Variants in TMCO6 observed in about 807,000 individuals in gnomAD.
TMCO6 encodes the protein transmembrane and coiled-coil domain-containing protein 6.
A neutral mutation model predicts 61.8 loss-of-function variants in TMCO6; 47 were observed. That is an observed-to-expected ratio of 0.76 (90% CI 0.60 to 0.97). TMCO6 has a LOEUF of 0.97. Among genes scored for constraint, TMCO6 ranks in the 50% least tolerant of loss-of-function variants. TMCO6 has a pLI of 0.00. For synonymous variants in TMCO6, 261 were observed against 254.2 expected, an observed-to-expected ratio of 1.03 and a Z score of -0.25; for missense variants, 557 against 601.6, an observed-to-expected ratio of 0.93 and a Z score of 0.78.
chr5:140,618,609 G>C, the TMCO6 span, among the ~76,000 whole-genome samples: 1 of 151,976 alleles, frequency 6.6e-6, no homozygotes, highest in Admixed American at 6.6e-5. Flanking sequence ...ATTAAGCCCA[G>C]TACCCAATAG....
At chr5:140,632,392 T>G in the TMCO6 span, 1 of 1,614,114 alleles carries the variant, frequency 6.2e-7, no homozygotes, top group Non-Finnish European at 8.5e-7. The surrounding 1 kb of genome is among the most constrained non-coding windows in gnomAD (Gnocchi z 6.2). Flanking sequence ...AGGTCTAGGC[T>G]GGTAAGGGCC....
downstream of TMCO6, chr5:140,647,381 C>G: frequency 6.2e-7 from 1 of 1,611,058 alleles, no homozygotes; most frequent in Non-Finnish European, 8.5e-7. Flanking sequence ...CCGGAGAGAG[C>G]GCCGCGCGTG....
At chr5:140,604,452 TC>T in the TMCO6 span, among the ~76,000 whole-genome samples, 1 of 151,704 alleles carries the variant, frequency 6.6e-6, no homozygotes, top group African/African-American at 2.4e-5. Flanking sequence ...TTGTAAAAGT[TC>T]TTTATATATA....
chr5:140,618,489 T>A, the TMCO6 span, among the ~76,000 whole-genome samples: 4 of 151,844 alleles, frequency 2.6e-5, no homozygotes, highest in Non-Finnish European at 5.9e-5. Flanking sequence ...TTTTACTTTT[T>A]CTTTTTTTTT....
At chr5:140,605,367 G>T in the TMCO6 span, among the ~76,000 whole-genome samples, 1 of 152,150 alleles carries the variant, frequency 6.6e-6, no homozygotes, top group South Asian at 2.1e-4. Context: ...TGGTACGGTA[G>T]TAAATATAAG....
chr5:140,643,272 C>T, intron 7 of TMCO6: 2 of 630,612 alleles, frequency 3.2e-6, no homozygotes, highest in East Asian at 3.0e-5. Context: ...TCTCAGCTCA[C>T]TGCAACCTCT....
At chr5:140,632,694 C>T in the TMCO6 span, 6 of 1,613,800 alleles carry the variant, frequency 3.7e-6, no homozygotes, top group Admixed American at 6.7e-5. This position sits in a 1 kb window ranked among gnomAD's most constrained non-coding sequence, Gnocchi z 6.2. Context: ...CTGTGCGGCT[C>T]CCACTGTGAG....
chr5:140,604,876 C>A, the TMCO6 span, among the ~76,000 whole-genome samples: 1 of 147,262 alleles, frequency 6.8e-6, no homozygotes, highest in Non-Finnish European at 1.5e-5. Flanking sequence ...GCTTCATTAT[C>A]AAAAATCAGT....
upstream of TMCO6, among the ~76,000 whole-genome samples, chr5:140,638,176 C>G (rs569664795): frequency 6.6e-6 from 1 of 152,314 alleles, no homozygotes; most frequent in African/African-American, 2.4e-5. Flanking sequence ...TTATTCCTGA[C>G]GCAAGTCCTG....
At chr5:140,605,692 AACACACACACACACACACAC>A in the TMCO6 span, among the ~76,000 whole-genome samples, 1 of 118,582 alleles carries the variant, frequency 8.4e-6, no homozygotes, top group Non-Finnish European at 1.8e-5. Flanking sequence ...AAAAAAACAA[AACACACACACACACACACAC>A]ACACACACAC....
chr5:140,633,513 A>T, the TMCO6 span: 1 of 246,622 alleles, frequency 4.1e-6, no homozygotes, highest in Non-Finnish European at 8.1e-6. Context: ...GCACTATCCA[A>T]CCCCCCAATC....
chr5:140,646,424 C>G (rs1021462188), downstream of TMCO6, among the ~76,000 whole-genome samples: 7 of 152,058 alleles, frequency 4.6e-5, no homozygotes, highest in African/African-American at 1.4e-4. Flanking sequence ...GAAGGAGAAG[C>G]TTTTTTCCTT....
At chr5:140,624,048 A>G in the TMCO6 span, among the ~76,000 whole-genome samples, 1 of 152,204 alleles carries the variant, frequency 6.6e-6, no homozygotes, top group African/African-American at 2.4e-5. Context: ...TGTGATTCAC[A>G]ACAAATAAAA....
chr5:140,636,856 T>C (rs774382600), upstream of TMCO6, among the ~76,000 whole-genome samples: 30 of 152,210 alleles, frequency 2.0e-4, 1 homozygote, highest in Non-Finnish European at 3.7e-4. Context: ...GCCTAAGTTA[T>C]ATGGCTTTTT....
upstream of TMCO6, among the ~76,000 whole-genome samples, chr5:140,637,327 G>A (rs1238992615): frequency 1.3e-5 from 2 of 152,168 alleles, no homozygotes. Flanking sequence ...TTTCCTCAGT[G>A]CCTAGTAGAC....
Position 140,645,056 on chromosome 5 carries a change from G to A in TMCO6, c.1440G>A (p.Gln480=). 6.2e-7 allele frequency: 1 copy of A among 1,614,224 alleles called. No homozygotes were observed. The highest frequency in any genetic ancestry group is 8.5e-7 in the Non-Finnish European group (1 of 1,180,036). Residue 480 remains glutamine, a synonymous_variant, in exon 12 of 12, where the codon CAG becomes CAA. Transcript: ENST00000394671. ...GGCATCAGGAAGAGGCCCAGCTCCAGGATCGTGTGTATGCTCTCCAGCAGA... is the reference window on the plus strand; with the variant it reads ...GGCATCAGGAAGAGGCCCAGCTCCAAGATCGTGTGTATGCTCTCCAGCAGA... The part of the protein sequence containing the change: ...LERHQEEAQL[Q]DRVYALQQTA...
At chr5:140,631,654 G>T in the TMCO6 span, 3 of 491,676 alleles carry the variant, frequency 6.1e-6, no homozygotes, top group South Asian at 1.3e-4. Flanking sequence ...GCCTAAGTAT[G>T]ATGAATTCCC....
chr5:140,642,678 A>G lies in TMCO6; in HGVS notation c.689+7A>G. The G allele has an allele frequency of 6.2e-7, 1 of 1,614,120 alleles. No individual in the cohort carries two copies. Among genetic ancestry groups the G allele is most frequent in the Non-Finnish European group, 8.5e-7 (1 of 1,180,016 alleles). On this transcript the variant is annotated splice_region_variant and intron_variant, in intron 6 of 11. Transcript: ENST00000394671. ...CTCCAGAGAAGATCATTCCGTGAGT[A>G]AAATTGTCTTTAGATGTGCAGCCAG...
the TMCO6 span, among the ~76,000 whole-genome samples, chr5:140,614,363 C>G: frequency 1.2e-4 from 18 of 151,960 alleles, no homozygotes; most frequent in Non-Finnish European, 2.6e-4. Flanking sequence ...ACAGAATTAG[C>G]TGGGCGTGGT....
Sources: allele counts gnomAD v4.1 joint callset (sites outside exome capture counted in the v4.1 genomes callset), GRCh38; gene constraint gnomAD v4.1.1; non-coding constraint Gnocchi (gnomAD v3.1); transcripts MANE v1.5; gene names NCBI Gene and HGNC (gene_info 2026-07-23, HGNC 2026-07-21).